PCDHGB6: variants seen among roughly 807,000 people sequenced by gnomAD.
PCDHGB6 encodes the protein protocadherin gamma-B6.
In PCDHGB6, 51 loss-of-function variants were observed where a neutral mutation model predicts 59.1. The ratio of observed to expected loss-of-function variants is 0.86; its 90% CI spans 0.69 to 1.09. The LOEUF (loss-of-function observed/expected upper bound fraction) is 1.09. PCDHGB6 is among the 50% of genes least tolerant of loss of function. PCDHGB6 has a pLI of 0.00. For synonymous variants in PCDHGB6, 466 were observed against 495.1 expected, an observed-to-expected ratio of 0.94 and a Z score of 0.78; for missense variants, 1,148 against 1,205.1, an observed-to-expected ratio of 0.95 and a Z score of 0.70.
At chr5:141,418,423 T>G (rs1469880702) in intron 1 of PCDHGB6, 1 of 1,613,868 alleles carries the variant, frequency 6.2e-7, no homozygotes. Flanking sequence ...ATCCTGATGG[T>G]GGCAAATATC....
rs367905789 is a variant in PCDHGB6 at position 141,487,335 on chromosome 5, G to A, written c.2419-7472G>A. 11 of 1,614,064 alleles carry A rather than the reference G, an allele frequency of 6.8e-6. No individual in the cohort carries two copies. The highest frequency in any genetic ancestry group is 8.5e-6 in the Non-Finnish European group (10 of 1,180,044). Reference sequence around the variant, plus strand: ...TCTAAGTGTCTTCGTGGGGCAGCCTGTGGAGTCACATGCTTTCCTGCTGGC... The same window carrying A: ...TCTAAGTGTCTTCGTGGGGCAGCCTATGGAGTCACATGCTTTCCTGCTGGC... On this transcript the variant is annotated intron_variant, in intron 1 of 3. Transcript: ENST00000520790. This position sits in a 1 kb window ranked among gnomAD's most constrained non-coding sequence, Gnocchi z 5.0.
At chr5:141,427,966 T>C (rs1458559803) in intron 1 of PCDHGB6, 10 of 1,590,764 alleles carry the variant, frequency 6.3e-6, no homozygotes, top group African/African-American at 1.3e-5. Flanking sequence ...CCGCGGGTGC[T>C]GTACCCCGCG....
chr5:141,437,956 T>A (rs998689841), intron 1 of PCDHGB6, among the ~76,000 whole-genome samples: 6 of 152,178 alleles, frequency 3.9e-5, no homozygotes, highest in African/African-American at 1.4e-4. Context: ...CAGAATGGTC[T>A]TGATCTCTTG....
chr5:141,419,507 G>A (rs909984738), intron 1 of PCDHGB6: 2 of 1,612,198 alleles, frequency 1.2e-6, no homozygotes, highest in Non-Finnish European at 1.7e-6. Context: ...GAGCCTGCGC[G>A]TGTTGGTGGG....
rs1230185523 is a variant in PCDHGB6, at chr5:141,413,155, G to C, written c.2418+2535G>C. 10 of 1,576,552 alleles carry C rather than the reference G, an allele frequency of 6.3e-6. No individual in the cohort carries two copies. The South Asian group carries it at 1.2e-4, about 18-fold the overall frequency. ...CAACGTGTCCAGTGAGGACTTTGCA[G>C]AATTCTGTAACCAGACTACAATGGC... On this transcript the variant is annotated intron_variant, in intron 1 of 3. Coordinates refer to ENST00000520790, the MANE Select transcript of PCDHGB6 (RefSeq NM_018926.3).
chr5:141,423,689 G>A (rs2096767103), intron 1 of PCDHGB6: 2 of 1,400,130 alleles, frequency 1.4e-6, no homozygotes, highest in Non-Finnish European at 9.4e-7. Context: ...CCTCCTAATT[G>A]TTGGTGTCTT....
intron 2 of PCDHGB6, among the ~76,000 whole-genome samples, chr5:141,504,402 G>A (rs2099837969): frequency 6.6e-6 from 1 of 152,170 alleles, no homozygotes; most frequent in Admixed American, 6.6e-5. Context: ...AGCCAGTGTG[G>A]TGGAGGAACA....
chr5:141,423,434 T>C, intron 1 of PCDHGB6: 1 of 1,614,036 alleles, frequency 6.2e-7, no homozygotes, highest in Non-Finnish European at 8.5e-7. Flanking sequence ...TTGGCAGGTA[T>C]GCCCACGTCA....
intron 2 of PCDHGB6, among the ~76,000 whole-genome samples, chr5:141,500,666 G>A (rs567881941): frequency 3.6e-4 from 55 of 152,250 alleles, no homozygotes; most frequent in African/African-American, 1.3e-3. Context: ...AGGCCATACT[G>A]TCCAACAGAA....
In PCDHGB6 at chr5:141,491,731, C is replaced by T. The variant is rs1198438920; in HGVS notation, c.2419-3076C>T. ...GGGCTCGGCGCCGCCCCGGGCGACC[C>T]CTGGGGGCGGCACTGGAGAAGCCGC... On this transcript the variant is annotated intron_variant, in intron 1 of 3. Coordinates refer to ENST00000520790, the MANE Select transcript of PCDHGB6 (RefSeq NM_018926.3). The surrounding 1 kb of genome is among the most constrained non-coding windows in gnomAD (Gnocchi z 6.9). 1 of 1,603,678 alleles carries T rather than the reference C, an allele frequency of 6.2e-7. No homozygotes were observed. Among genetic ancestry groups the T allele is most frequent in the Non-Finnish European group, 8.5e-7 (1 of 1,175,748 alleles).
Position 141,432,849 on chromosome 5 carries a change from T to G in PCDHGB6, c.2418+22229T>G. The G allele has an allele frequency of 1.2e-6, 2 of 1,614,194 alleles. No homozygotes were observed. The highest frequency in any genetic ancestry group is 2.2e-5 in the South Asian group (2 of 91,092). ...CTCACTCTGTACCTGGTGGTAGCGG[T>G]GGCCGCGGTCTCCTGCGTCTTCCTG... On this transcript the variant is annotated intron_variant, in intron 1 of 3. Coordinates refer to ENST00000520790, the MANE Select transcript of PCDHGB6 (RefSeq NM_018926.3). This position sits in a 1 kb window ranked among gnomAD's most constrained non-coding sequence, Gnocchi z 6.0.
At chr5:141,501,901 C>T (rs1595767273) in intron 2 of PCDHGB6, among the ~76,000 whole-genome samples, 1 of 152,070 alleles carries the variant, frequency 6.6e-6, no homozygotes, top group Non-Finnish European at 1.5e-5. Context: ...TGGTTCCAAC[C>T]CCACTGTTCC....
chr5:141,425,843 G>A (rs2096898027), intron 1 of PCDHGB6, among the ~76,000 whole-genome samples: 1 of 152,118 alleles, frequency 6.6e-6, no homozygotes, highest in African/African-American at 2.4e-5. Flanking sequence ...TCTCTTTGCT[G>A]GGTTAATGAC....
intron 1 of PCDHGB6, among the ~76,000 whole-genome samples, chr5:141,446,394 A>C (rs796472404): frequency 1.1e-4 from 17 of 152,344 alleles, no homozygotes; most frequent in African/African-American, 3.4e-4. Context: ...ATTTAAGAGA[A>C]ATCGAGTTGA....
At chr5:141,415,739 G>GTT (rs1561759437) in intron 1 of PCDHGB6, 11 of 435,132 alleles carry the variant, frequency 2.5e-5, no homozygotes, top group African/African-American at 1.6e-4. Flanking sequence ...TGTTTATTAA[G>GTT]GTTTTTTTTT....
rs1370450155 is a variant in PCDHGB6, at chr5:141,431,480, G to T, written c.2418+20860G>T. On this transcript the variant is annotated intron_variant, in intron 1 of 3. Coordinates refer to ENST00000520790, the MANE Select transcript of PCDHGB6 (RefSeq NM_018926.3). This position sits in a 1 kb window ranked among gnomAD's most constrained non-coding sequence, Gnocchi z 4.8. Reference sequence around the variant, plus strand: ...TCTGGATGCGAACGACAACGCACCAGCGTTTGCTCAGCCCGAGTACCGCGC... The same window carrying T: ...TCTGGATGCGAACGACAACGCACCATCGTTTGCTCAGCCCGAGTACCGCGC... 3 of 1,613,924 alleles carry T rather than the reference G, an allele frequency of 1.9e-6. No individual in the cohort carries two copies. Among genetic ancestry groups the T allele is most frequent in the Non-Finnish European group, 2.5e-6 (3 of 1,179,990 alleles).
chr5:141,473,148 C>T (rs1381616255), intron 1 of PCDHGB6, among the ~76,000 whole-genome samples: 1 of 152,184 alleles, frequency 6.6e-6, no homozygotes, highest in Non-Finnish European at 1.5e-5. Flanking sequence ...CTCTTCAGAT[C>T]ACTAGGGCTA....
intron 2 of PCDHGB6, among the ~76,000 whole-genome samples, chr5:141,503,292 A>T (rs7710319): frequency 0.52 from 78,681 of 151,966 alleles, 21,044 homozygotes; most frequent in African/African-American, 0.62. Flanking sequence ...TGGTACATAG[A>T]AATTGCTCAA....
Position 141,490,156 on chromosome 5 carries a change from G to T in PCDHGB6, c.2419-4651G>T. On this transcript the variant is annotated intron_variant, in intron 1 of 3. Coordinates refer to ENST00000520790, the MANE Select transcript of PCDHGB6 (RefSeq NM_018926.3). The surrounding 1 kb of genome is among the most constrained non-coding windows in gnomAD (Gnocchi z 5.4). ...TAGCAGTGGGGCAATCCATGTGTTG[G>T]GTCCCATAGACTTTGAGGAGTCACG... is the stretch of plus-strand genomic sequence containing the variant. 3.1e-6 allele frequency: 5 copies of T among 1,614,192 alleles called. No individual in the cohort carries two copies. Among genetic ancestry groups the T allele is most frequent in the Non-Finnish European group, 4.2e-6 (5 of 1,180,034 alleles).
Sources: gnomAD v4.1 joint callset for allele counts (sites outside exome capture counted in the v4.1 genomes callset) on GRCh38, gnomAD v4.1.1 for gene constraint, Gnocchi (gnomAD v3.1) non-coding constraint, MANE v1.5 for transcripts, NCBI Gene and HGNC (gene_info 2026-07-23, HGNC 2026-07-21) for gene names.